Variants in DLGAP2 observed in about 807,000 individuals in gnomAD.
DLGAP2 encodes the protein disks large-associated protein 2.
In DLGAP2, 26 loss-of-function variants were observed where a neutral mutation model predicts 100.3. That is an observed-to-expected ratio of 0.26 (90% CI 0.19 to 0.36). The LOEUF (loss-of-function observed/expected upper bound fraction) is 0.36, where lower values mean the gene tolerates loss of function less well. Among genes scored for constraint, DLGAP2 ranks in the 10% least tolerant of loss-of-function variants. The probability of loss-of-function intolerance (pLI) is 1.00; values close to 1 mark genes in which losing one functional copy is unlikely to be tolerated. For synonymous variants in DLGAP2, 886 were observed against 630.1 expected, an observed-to-expected ratio of 1.41 and a Z score of -6.08; for missense variants, 1,858 against 1,453.2, an observed-to-expected ratio of 1.28 and a Z score of -4.53.
chr8:1,326,513 G>A (rs1391561647), intron 3 of DLGAP2, among the ~76,000 whole-genome samples: 3 of 151,390 alleles, frequency 2.0e-5, no homozygotes, highest in South Asian at 4.2e-4. Context: ...AGGACACGGC[G>A]TGCACTCGGT....
At chr8:1,528,816 T>G (rs1392060347) in intron 4 of DLGAP2, among the ~76,000 whole-genome samples, 1 of 152,230 alleles carries the variant, frequency 6.6e-6, no homozygotes, top group Admixed American at 6.5e-5. Context: ...AAGGAAGGAC[T>G]GGGAGCTCCC....
chr8:768,810 T>G (rs1483796169), intron 1 of DLGAP2, among the ~76,000 whole-genome samples: 8 of 152,144 alleles, frequency 5.3e-5, no homozygotes, highest in Non-Finnish European at 1.0e-4. Flanking sequence ...AAACCTAACA[T>G]TTAAAATTGG....
chr8:1,480,210 C>T (rs1191241194), intron 3 of DLGAP2, among the ~76,000 whole-genome samples: 5 of 152,098 alleles, frequency 3.3e-5, no homozygotes, highest in South Asian at 4.2e-4. Context: ...ACACAGGAAA[C>T]GTGGGGCTAG....
intron 1 of DLGAP2, among the ~76,000 whole-genome samples, chr8:777,124 T>C (rs937030055): frequency 1.4e-4 from 22 of 152,196 alleles, no homozygotes; most frequent in Admixed American, 7.2e-4. Flanking sequence ...TTGTCTCTTT[T>C]GATCTTTGTT....
intron 2 of DLGAP2, among the ~76,000 whole-genome samples, chr8:1,257,901 A>G (rs1799262837): frequency 1.3e-5 from 2 of 152,186 alleles, no homozygotes; most frequent in Non-Finnish European, 2.9e-5. Context: ...ACCTGCCCTC[A>G]TGTTCTCAGG....
At chr8:942,499 A>C (rs1456116052) in intron 2 of DLGAP2, among the ~76,000 whole-genome samples, 1 of 152,236 alleles carries the variant, frequency 6.6e-6, no homozygotes, top group Non-Finnish European at 1.5e-5. Context: ...CAGGTCCAGC[A>C]TCCCAGCTCT....
At chr8:977,876 T>C (rs79433029) in intron 2 of DLGAP2, among the ~76,000 whole-genome samples, 23 of 34,436 alleles carry the variant, frequency 6.7e-4, no homozygotes, top group Admixed American at 2.3e-3. Flanking sequence ...TCTTTGGTGT[T>C]GTGGGGAGGG....
chr8:1,114,509 G>A (rs142961878), intron 2 of DLGAP2, among the ~76,000 whole-genome samples: 1 of 151,924 alleles, frequency 6.6e-6, no homozygotes, highest in Non-Finnish European at 1.5e-5. Context: ...GTAGTTTTTG[G>A]TGGTTATTTT....
intron 6 of DLGAP2, among the ~76,000 whole-genome samples, chr8:1,573,481 T>C (rs994245572): frequency 1.3e-5 from 2 of 151,582 alleles, no homozygotes; most frequent in African/African-American, 4.9e-5. Context: ...ACAGAAAGGG[T>C]GAAGAGTGTC....
intron 2 of DLGAP2, chr8:1,002,318 G>C (rs1231813847): frequency 6.6e-6 from 1 of 152,198 alleles, no homozygotes; most frequent in Non-Finnish European, 1.5e-5. Flanking sequence ...TAATTAAAGG[G>C]AAAGAGATCT....
At chr8:924,646 G>A (rs774212822) in intron 2 of DLGAP2, among the ~76,000 whole-genome samples, 33 of 151,598 alleles carry the variant, frequency 2.2e-4, no homozygotes, top group Non-Finnish European at 3.4e-4. Flanking sequence ...GCAATGGCGC[G>A]ATCTCTGGTC....
intron 3 of DLGAP2, among the ~76,000 whole-genome samples, chr8:1,354,306 G>C (rs1801799713): frequency 6.6e-6 from 1 of 152,196 alleles, no homozygotes; most frequent in African/African-American, 2.4e-5. Context: ...AGGAGTTTGA[G>C]ACCAGCCTGG....
chr8:1,034,221 C>T (rs374534625), intron 2 of DLGAP2, among the ~76,000 whole-genome samples: 24 of 23,116 alleles, frequency 1.0e-3, no homozygotes, highest in Middle Eastern at 0.036. Context: ...TGCGTGTCAC[C>T]GCGAGTGGAT....
chr8:1,218,271 A>G (rs533855210), intron 2 of DLGAP2, among the ~76,000 whole-genome samples: 1 of 152,132 alleles, frequency 6.6e-6, no homozygotes, highest in East Asian at 1.9e-4. Context: ...TGTATATGGT[A>G]AAAGGAAGTG....
intron 1 of DLGAP2, among the ~76,000 whole-genome samples, chr8:830,065 A>G (rs932908052): frequency 1.4e-4 from 21 of 152,234 alleles, no homozygotes; most frequent in Non-Finnish European, 2.9e-4. Context: ...AAAGATCTTC[A>G]TTGTAAAGTT....
intron 3 of DLGAP2, among the ~76,000 whole-genome samples, chr8:1,492,469 G>C (rs1004632144): frequency 2.0e-5 from 3 of 152,238 alleles, no homozygotes; most frequent in Non-Finnish European, 4.4e-5. Flanking sequence ...ACTCTGCACT[G>C]ACTCTCAGAG....
intron 2 of DLGAP2, among the ~76,000 whole-genome samples, chr8:1,173,684 C>T (rs1304614366): frequency 6.6e-6 from 1 of 152,180 alleles, no homozygotes. Context: ...CCCTCTGAGC[C>T]AGGTGCAGGA....
At chr8:1,350,184 C>T (rs73170483) in intron 3 of DLGAP2, among the ~76,000 whole-genome samples, 8,922 of 140,608 alleles carry the variant, frequency 0.063, 721 homozygotes, top group East Asian at 0.26. Context: ...GTGGAAAGGC[C>T]GCGCGGGTCC....
intron 3 of DLGAP2, among the ~76,000 whole-genome samples, chr8:1,490,010 G>T (rs1314558971): frequency 6.6e-6 from 1 of 152,072 alleles, no homozygotes; most frequent in Non-Finnish European, 1.5e-5. Context: ...TCCTGCCTCA[G>T]CCTCCCGAGT....
Sources: gnomAD v4.1 joint callset for allele counts (sites outside exome capture counted in the v4.1 genomes callset) on GRCh38, gnomAD v4.1.1 for gene constraint, MANE v1.5 for transcripts, NCBI Gene and HGNC (gene_info 2026-07-23, HGNC 2026-07-21) for gene names.